Variants in NOTCH1 observed in about 807,000 individuals in gnomAD.
NOTCH1 encodes neurogenic locus notch homolog protein 1.
In NOTCH1, 37 loss-of-function variants were observed where a neutral mutation model predicts 254.8. The ratio of observed to expected loss-of-function variants is 0.15; its 90% CI spans 0.11 to 0.19. NOTCH1 has a LOEUF of 0.19. Ranked by LOEUF, NOTCH1 falls within the 10% of genes least tolerant of loss-of-function variation. The probability of loss-of-function intolerance (pLI) is 1.00; values close to 1 mark genes in which losing one functional copy is unlikely to be tolerated. For synonymous variants in NOTCH1, 1,731 were observed against 1,618.1 expected (o/e 1.07, Z -1.68); for missense variants, 2,972 against 3,708.6 (o/e 0.80, Z 5.16).
intron 33 of NOTCH1, among the ~76,000 whole-genome samples, chr9:136,498,204 G>A (rs1449543898): frequency 6.7e-6 from 1 of 148,918 alleles, no homozygotes; most frequent in East Asian, 2.0e-4. Flanking sequence ...AGAGACGCCT[G>A]AGCCTGACAT....
Position 136,506,271 on chromosome 9 carries a change from T to C in NOTCH1, c.4014+256A>G, listed in dbSNP as rs1044839328. On this transcript the variant is annotated intron_variant, in intron 24 of 33. Coordinates refer to ENST00000651671, the MANE Select transcript of NOTCH1 (RefSeq NM_017617.5). This position sits in a 1 kb window ranked among gnomAD's most constrained non-coding sequence, Gnocchi z 4.5. ...TCACTGAAATCCAGAGTGAAATTGA[T>C]GCAAGCTGCTAACCAGGGGAACTGC... Among the ~76,000 whole-genome samples, 1 of 152,062 alleles carries C rather than the reference T, an allele frequency of 6.6e-6. No individual in the cohort carries two copies. Among genetic ancestry groups the C allele is most frequent in the Non-Finnish European group, 1.5e-5 (1 of 68,018 alleles).
chr9:136,538,380 C>T (rs1440716957), intron 2 of NOTCH1, among the ~76,000 whole-genome samples: 2 of 152,124 alleles, frequency 1.3e-5, no homozygotes, highest in South Asian at 2.1e-4. Context: ...CAGGGTCCCG[C>T]TGGCTGTAGT....
Position 136,504,993 on chromosome 9 carries a change from G to T in NOTCH1, c.4698C>A (p.Pro1566=), listed in dbSNP as rs200462746. 1 of 1,598,792 alleles carries T rather than the reference G, an allele frequency of 6.3e-7. No homozygotes were observed. ...CCAGCGTGCCGGCCGCCAGCCTCTCGGGTACATGCTCCGCACAGTCCAGCC... is the reference window on the plus strand; with the variant it reads ...CCAGCGTGCCGGCCGCCAGCCTCTCTGGTACATGCTCCGCACAGTCCAGCC... ...WDGLDCAEHV[P]ERLAAGTLVV... The change falls in exon 26 of 34, where the codon CCC becomes CCA. Residue 1566 remains proline (P), a synonymous_variant. Coordinates refer to ENST00000651671, the MANE Select transcript of NOTCH1 (RefSeq NM_017617.5).
At position 136,505,008 on chromosome 9, in the gene NOTCH1, A is replaced by G. The variant is rs2133337431; in HGVS notation, c.4683T>C (p.Cys1561=). 6.2e-7 allele frequency: 1 copy of G among 1,602,654 alleles called. No individual in the cohort carries two copies. The highest frequency in any genetic ancestry group is 8.5e-7 in the Non-Finnish European group (1 of 1,175,740). ...CCAGCCTCTCGGGTACATGCTCCGC[A>G]CAGTCCAGCCCGTCCCACTCGCACT... is the stretch of plus-strand genomic sequence containing the variant. The part of the protein sequence containing the change: ...SAECEWDGLD[C]AEHVPERLAA... Residue 1561 remains cysteine (C), a synonymous_variant, in exon 26 of 34, where the codon TGT becomes TGC. Transcript: ENST00000651671.
At chr9:136,524,063 C>T (rs2133380175) in intron 2 of NOTCH1, 84 bp from the exon 3 acceptor site, 1 of 1,505,696 alleles carries the variant, frequency 6.6e-7, no homozygotes, top group Non-Finnish European at 8.9e-7. Flanking sequence ...CTGTCATGGG[C>T]ACAGCCGCCT....
At chr9:136,510,226 C>T (rs1287222137) in intron 17 of NOTCH1, among the ~76,000 whole-genome samples, 3 of 152,332 alleles carry the variant, frequency 2.0e-5, no homozygotes, top group South Asian at 2.1e-4. Flanking sequence ...CTTCACAGAC[C>T]GAGCAGGGGA....
At position 136,545,815 on chromosome 9, in the gene NOTCH1, GGGC is replaced by G; in HGVS notation, c.-32_-30del. ...TCCCCACCGGCTGCCCTCTGCGCCC[GGGC>G]GGCGGCCTCCTGCGCTGGCCGGCGG... is the stretch of plus-strand genomic sequence containing the variant. On this transcript the variant is annotated 5_prime_UTR_variant, in exon 1 of 34. Coordinates refer to ENST00000651671, the MANE Select transcript of NOTCH1 (RefSeq NM_017617.5). This position sits in a 1 kb window ranked among gnomAD's most constrained non-coding sequence, Gnocchi z 6.8. 1 of 1,232,196 alleles carries G rather than the reference GGGC, an allele frequency of 8.1e-7. No homozygotes were observed. Among genetic ancestry groups the G allele is most frequent in the Non-Finnish European group, 1.0e-6 (1 of 983,072 alleles). 76.3% of individuals were successfully genotyped at this position (1,232,196 alleles called of 1,614,324 possible). A position where few individuals can be genotyped will look rare whatever the true frequency, so the allele number is the denominator to read the frequency against.
intron 2 of NOTCH1, among the ~76,000 whole-genome samples, chr9:136,533,337 C>T (rs1292108614): frequency 2.1e-5 from 1 of 47,678 alleles, no homozygotes; most frequent in African/African-American, 1.1e-4. Context: ...ACTGAAAAGC[C>T]GTCAGGGAAA....
chr9:136,542,568 T>C (rs1288535099), intron 2 of NOTCH1, among the ~76,000 whole-genome samples: 1 of 118,386 alleles, frequency 8.4e-6, no homozygotes, highest in Non-Finnish European at 1.7e-5. Flanking sequence ...AAAAAAAAAG[T>C]AGTGCGCATT....
chr9:136,541,118 A>C (rs957272364), intron 2 of NOTCH1, among the ~76,000 whole-genome samples: 5 of 152,046 alleles, frequency 3.3e-5, no homozygotes, highest in African/African-American at 1.2e-4. Flanking sequence ...CACAGCCACC[A>C]CGGCCACACC....
intron 2 of NOTCH1, chr9:136,543,545 G>A (rs565254248): frequency 1.9e-5 from 6 of 315,466 alleles, no homozygotes; most frequent in South Asian, 2.5e-5. Context: ...TGCCAGAGGA[G>A]GCATCACTAC....
rs542190953 is a variant in NOTCH1, at chr9:136,507,018, G to A, written c.3644-45C>T. On this transcript the variant is annotated intron_variant, in intron 22 of 33. Transcript: ENST00000651671. ...CAGTGGCCCAAGCCCGCCACACCCC[G>A]GCCCTGCCGTGCCGCGTGTCCGTCC... 40 of 1,585,652 alleles carry A rather than the reference G, an allele frequency of 2.5e-5. No homozygotes were observed. The African/African-American group carries it at 3.1e-4, about 12-fold the overall frequency.
chr9:136,505,423 C>A lies in NOTCH1; in HGVS notation c.4473G>T (p.Thr1491=), dbSNP rs941691193. ...LNFNDPWKNC[T]QSLQCWKYFS... is the part of the protein sequence containing the mutation. ...AGTACTTCCAGCACTGCAGAGACTGCGTGCAGTTCTTCCAGGGGTCATTGA... is the reference window on the plus strand; with the variant it reads ...AGTACTTCCAGCACTGCAGAGACTGAGTGCAGTTCTTCCAGGGGTCATTGA... Residue 1491 remains threonine, a synonymous_variant, in exon 25 of 34, where the codon ACG becomes ACT. Transcript: ENST00000651671. 1.2e-6 allele frequency: 2 copies of A among 1,612,850 alleles called. No individual in the cohort carries two copies. Among genetic ancestry groups the A allele is most frequent in the South Asian group, 1.1e-5 (1 of 91,088 alleles).
rs374208051 is a variant in NOTCH1, at chr9:136,505,627, G to A, written c.4269C>T (p.Leu1423=). Residue 1423 remains leucine (L), a synonymous_variant, in exon 25 of 34, where the codon CTC becomes CTT. Transcript: ENST00000651671. ...AGCTGTAGTCCAGGATGTGGCACAA[G>A]AGCCCGTTGAATTTGGCGGGGCACA... is the stretch of plus-strand genomic sequence containing the variant. ...RCLCPAKFNG[L]LCHILDYSFG... 2 of 1,612,080 alleles carry A rather than the reference G, an allele frequency of 1.2e-6. No homozygotes were observed. Among genetic ancestry groups the A allele is most frequent in the African/African-American group, 2.7e-5 (2 of 74,924 alleles).
chr9:136,519,569 C>A lies in NOTCH1; in HGVS notation c.743-4G>T, dbSNP rs748001079. 89 of 1,612,624 alleles carry A rather than the reference C, an allele frequency of 5.5e-5. No individual in the cohort carries two copies. Among genetic ancestry groups the A allele is most frequent in the Non-Finnish European group, 1.4e-5 (16 of 1,179,892 alleles). On this transcript the variant is annotated splice_polypyrimidine_tract_variant and splice_region_variant and intron_variant, in intron 4 of 33. Transcript: ENST00000651671. The stretch of plus-strand genomic sequence containing the variant: ...TCACAGTTCTGGCCGGTGAAGCCTG[C>A]CGCAAGAGGGGCCGGGTCAGCCTCT...
At chr9:136,528,426 T>G (rs1589075661) in intron 2 of NOTCH1, among the ~76,000 whole-genome samples, 1 of 28,694 alleles carries the variant, frequency 3.5e-5, no homozygotes, top group Admixed American at 4.8e-4. Context: ...GCGGGGGGGA[T>G]GGGCAGGGAC....
intron 2 of NOTCH1, chr9:136,542,923 G>T (rs189225405): frequency 6.6e-6 from 1 of 152,512 alleles, no homozygotes; most frequent in Non-Finnish European, 1.5e-5. Context: ...AGTTCCCCAC[G>T]GCTGATGGGC....
intron 2 of NOTCH1, among the ~76,000 whole-genome samples, chr9:136,534,026 C>T (rs948088929): frequency 6.6e-5 from 10 of 152,342 alleles, no homozygotes; most frequent in African/African-American, 2.2e-4. Context: ...TGGGAGCCAC[C>T]GCCTCTGTGC....
Position 136,504,676 on chromosome 9 carries a change from C to A in NOTCH1, c.5015G>T (p.Arg1672Leu). Residue 1672 changes from arginine (R) to leucine (L), a missense_variant, in exon 26 of 34, where the codon CGC (arginine) becomes CTC (leucine). Arg to Leu is a moderately radical substitution (Grantham distance 102). Transcript: ENST00000651671. ...RRRELDPMDV[R>L]GSIVYLEIDN... ...GTGGGCGCCGGGTCTCACTCACCCG[C>A]GGACGTCCATGGGGTCCAGCTCCCT... 6.6e-7 allele frequency: 1 copy of A among 1,511,892 alleles called. No individual in the cohort carries two copies. Among genetic ancestry groups the A allele is most frequent in the Non-Finnish European group, 8.9e-7 (1 of 1,126,846 alleles). The allele number at this position is 1,511,892 out of a possible 1,614,324, so 93.7% of individuals were successfully genotyped here.
Sources: allele counts gnomAD v4.1 joint callset (sites outside exome capture counted in the v4.1 genomes callset), GRCh38; gene constraint gnomAD v4.1.1; non-coding constraint Gnocchi (gnomAD v3.1); transcripts MANE v1.5; gene names NCBI Gene and HGNC (gene_info 2026-07-23, HGNC 2026-07-21).